The following CSNK1G3 variants were observed in gnomAD, a reference collection of about 807,000 sequenced individuals.
The protein encoded by CSNK1G3 is casein kinase I isoform gamma-3.
Under a neutral mutation model 64.3 loss-of-function variants are expected in CSNK1G3, and 23 were observed. The ratio of observed to expected loss-of-function variants is 0.36; its 90% CI spans 0.26 to 0.51. The LOEUF is 0.51. Among genes scored for constraint, CSNK1G3 ranks in the 20% least tolerant of loss-of-function variants. The pLI, the probability that CSNK1G3 is intolerant of heterozygous loss-of-function variation, is 0.96. For missense variants in CSNK1G3, 357 were observed against 510.5 expected, an observed-to-expected ratio of 0.70 and a Z score of 2.90; for synonymous variants, 158 against 162.2, an observed-to-expected ratio of 0.97 and a Z score of 0.20.
intron 1 of CSNK1G3, among the ~76,000 whole-genome samples, chr5:123,523,636 G>C (rs1463562333): frequency 6.6e-6 from 1 of 152,178 alleles, no homozygotes; most frequent in Non-Finnish European, 1.5e-5. Context: ...GAACCAGTAG[G>C]AGACTTTTAG....
chr5:123,561,051 T>C (rs896983973), intron 4 of CSNK1G3, among the ~76,000 whole-genome samples: 1 of 152,192 alleles, frequency 6.6e-6, no homozygotes, highest in African/African-American at 2.4e-5. Flanking sequence ...TGAAAAAATA[T>C]ACAATTTGGT....
At chr5:123,533,475 C>A (rs1780284115) in intron 1 of CSNK1G3, among the ~76,000 whole-genome samples, 1 of 151,606 alleles carries the variant, frequency 6.6e-6, no homozygotes, top group South Asian at 2.1e-4. Flanking sequence ...CCCTTTTGGC[C>A]CCAGCTTAGG....
rs1364449332 is a variant in CSNK1G3, at chr5:123,526,868, GTGTGTGTGTGTGTA to G, written c.-248+14301_-248+14314del. ...TGTGTGTGTGTGTGTGTGTGTGTGTGTGTGTGTGTGTGTATGAACATAATTTTTTTTTCCTTGAG... is the reference window on the plus strand; with the variant it reads ...TGTGTGTGTGTGTGTGTGTGTGTGTGTGAACATAATTTTTTTTTCCTTGAG... On this transcript the variant is annotated intron_variant, in intron 1 of 12. Transcript: ENST00000345990. 1.4e-3 allele frequency among the ~76,000 whole-genome samples: 174 copies of G among 126,374 alleles called. 1 individual carries two copies. The highest frequency in any genetic ancestry group is 8.3e-3 in the Middle Eastern group (2 of 240). The allele number at this position is 126,374 out of a possible 152,430, so 82.9% of individuals were successfully genotyped here.
intron 1 of CSNK1G3, among the ~76,000 whole-genome samples, chr5:123,532,889 A>G (rs774649119): frequency 6.6e-6 from 1 of 151,886 alleles, no homozygotes; most frequent in Non-Finnish European, 1.5e-5. Flanking sequence ...TTTTCAGTAG[A>G]TAGAACCAGT....
exon 13 of CSNK1G3, chr5:123,615,593 G>C (rs1749319129): frequency 6.6e-6 from 1 of 150,924 alleles, no homozygotes; most frequent in African/African-American, 2.4e-5. Flanking sequence ...GCCTGCATAT[G>C]AACAACAACA....
chr5:123,571,500 G>A (rs902578015), intron 4 of CSNK1G3, among the ~76,000 whole-genome samples: 16 of 152,092 alleles, frequency 1.1e-4, no homozygotes, highest in African/African-American at 3.1e-4. Context: ...AGAAATACTT[G>A]TCTCATCCAA....
intron 1 of CSNK1G3, among the ~76,000 whole-genome samples, chr5:123,523,598 C>T (rs954254837): frequency 2.6e-5 from 4 of 151,980 alleles, no homozygotes; most frequent in South Asian, 2.1e-4. Flanking sequence ...AATTTAGCAC[C>T]GGGTAGAGTT....
intron 4 of CSNK1G3, among the ~76,000 whole-genome samples, chr5:123,565,964 A>C (rs906821610): frequency 6.6e-6 from 1 of 152,208 alleles, no homozygotes; most frequent in African/African-American, 2.4e-5. Context: ...TTTAGAGGGG[A>C]CAACACCCAA....
chr5:123,544,057 C>G (rs1221545481), intron 1 of CSNK1G3, among the ~76,000 whole-genome samples: 1 of 152,056 alleles, frequency 6.6e-6, no homozygotes, highest in African/African-American at 2.4e-5. Flanking sequence ...TCTCACAGTC[C>G]TCCTGTGCAA....
chr5:123,528,801 T>A (rs1779464757), intron 1 of CSNK1G3, among the ~76,000 whole-genome samples: 1 of 152,216 alleles, frequency 6.6e-6, no homozygotes, highest in South Asian at 2.1e-4. Flanking sequence ...TTATTCTCAT[T>A]ATTCATAGAT....
intron 3 of CSNK1G3, among the ~76,000 whole-genome samples, chr5:123,557,048 A>G (rs1296706619): frequency 6.6e-6 from 1 of 152,118 alleles, no homozygotes; most frequent in Non-Finnish European, 1.5e-5. Flanking sequence ...CTTTAGTGAA[A>G]AAAAATTAAG....
intron 10 of CSNK1G3, among the ~76,000 whole-genome samples, chr5:123,604,255 C>T (rs1426314337): frequency 6.6e-6 from 1 of 152,044 alleles, no homozygotes; most frequent in East Asian, 1.9e-4. Context: ...GGTGTTGTCT[C>T]TATTTAAATG....
intron 6 of CSNK1G3, among the ~76,000 whole-genome samples, chr5:123,580,657 T>A (rs1244904123): frequency 2.0e-5 from 3 of 151,990 alleles, no homozygotes; most frequent in Non-Finnish European, 4.4e-5. Context: ...GTCTGCTTTT[T>A]AATATCTTTT....
At chr5:123,541,872 T>G (rs1388230614) in intron 1 of CSNK1G3, among the ~76,000 whole-genome samples, 1 of 152,170 alleles carries the variant, frequency 6.6e-6, no homozygotes, top group Non-Finnish European at 1.5e-5. Context: ...TTGCTATTTG[T>G]TTTATCTTGT....
At chr5:123,564,586 T>C (rs1786461820) in intron 4 of CSNK1G3, among the ~76,000 whole-genome samples, 1 of 152,110 alleles carries the variant, frequency 6.6e-6, no homozygotes, top group African/African-American at 2.4e-5. Context: ...TAGGCCCAAA[T>C]TGGATAACAA....
At chr5:123,547,813 T>C (rs761592255) in intron 2 of CSNK1G3, among the ~76,000 whole-genome samples, 11 of 152,152 alleles carry the variant, frequency 7.2e-5, no homozygotes, top group Non-Finnish European at 1.3e-4. Context: ...TTCTTCCTTT[T>C]TCATAGACTT....
intron 1 of CSNK1G3, among the ~76,000 whole-genome samples, chr5:123,525,915 A>G (rs933457628): frequency 6.6e-6 from 1 of 151,352 alleles, no homozygotes; most frequent in East Asian, 2.0e-4. Context: ...GGAGAACGGC[A>G]TGAACCTGGG....
chr5:123,543,848 G>C (rs1782084006), intron 1 of CSNK1G3, among the ~76,000 whole-genome samples: 1 of 152,166 alleles, frequency 6.6e-6, no homozygotes, highest in South Asian at 2.1e-4. Flanking sequence ...CAGGAACTCA[G>C]TTTCATCTGC....
rs1379281711 is a variant in CSNK1G3 at position 123,607,376 on chromosome 5, A to G, written c.1217+2014A>G. Among the ~76,000 whole-genome samples, 10 of 152,318 alleles carry G rather than the reference A, an allele frequency of 6.6e-5. No homozygotes were observed. In the East Asian group the frequency reaches 1.3e-3, roughly 21 times the overall value. On this transcript the variant is annotated intron_variant, in intron 12 of 12. Coordinates refer to ENST00000345990, the Ensembl canonical transcript of CSNK1G3. ...TTTCATCCTCAGATTCCTAGTGGCT[A>G]TATGTCCTAATAAATCATTACTAAA...
Sources: gnomAD v4.1 joint callset for allele counts (sites outside exome capture counted in the v4.1 genomes callset) on GRCh38, gnomAD v4.1.1 for gene constraint, MANE v1.5 for transcripts, NCBI Gene and HGNC (gene_info 2026-07-23, HGNC 2026-07-21) for gene names.